The following SHISA9 variants were observed in gnomAD, a reference collection of about 807,000 sequenced individuals.
SHISA9 encodes protein shisa-9.
In SHISA9, 13 loss-of-function variants were observed where a neutral mutation model predicts 38.0. That is an observed-to-expected ratio of 0.34 (90% confidence interval 0.22 to 0.54). The LOEUF (loss-of-function observed/expected upper bound fraction) is 0.54. Ranked by LOEUF, SHISA9 falls within the 20% of genes least tolerant of loss-of-function variation. The pLI, the probability that SHISA9 is intolerant of heterozygous loss-of-function variation, is 0.91. For synonymous variants in SHISA9, 275 were observed against 242.0 expected (o/e 1.14, Z -1.27); for missense variants, 538 against 575.8 (o/e 0.93, Z 0.67).
At chr16:13,442,075 G>C in the SHISA9 span, among the ~76,000 whole-genome samples, 2 of 152,242 alleles carry the variant, frequency 1.3e-5, no homozygotes, top group Non-Finnish European at 2.9e-5. Flanking sequence ...GCAGCCAGTA[G>C]TTAGCCTCAA....
intron 4 of SHISA9, among the ~76,000 whole-genome samples, chr16:13,232,064 A>G (rs2142085860): frequency 6.6e-6 from 1 of 152,360 alleles, no homozygotes; most frequent in African/African-American, 2.4e-5. Flanking sequence ...GAAGATATGA[A>G]GGAGAATCAG....
chr16:13,413,681 T>C, the SHISA9 span, among the ~76,000 whole-genome samples: 1 of 134,922 alleles, frequency 7.4e-6, no homozygotes, highest in Non-Finnish European at 1.5e-5. Flanking sequence ...TGCTAGAACC[T>C]GGAAGGCGAA....
At chr16:13,207,793 C>T (rs1234806206) in intron 3 of SHISA9, among the ~76,000 whole-genome samples, 1 of 152,130 alleles carries the variant, frequency 6.6e-6, no homozygotes, top group African/African-American at 2.4e-5. Context: ...TTTGTTAAAG[C>T]ATAATGTGAT....
intron 2 of SHISA9, among the ~76,000 whole-genome samples, chr16:12,997,424 T>G (rs1175418099): frequency 2.0e-5 from 3 of 151,728 alleles, no homozygotes; most frequent in African/African-American, 7.3e-5. Context: ...TTTTTTTTTT[T>G]TTTAGACAGT....
chr16:13,062,093 T>C (rs932361850), intron 2 of SHISA9, among the ~76,000 whole-genome samples: 21 of 151,682 alleles, frequency 1.4e-4, no homozygotes, highest in African/African-American at 5.1e-4. Context: ...GGCTGCCAAA[T>C]AAAATACAGG....
At chr16:13,278,364 G>C in the SHISA9 span, among the ~76,000 whole-genome samples, 1 of 151,924 alleles carries the variant, frequency 6.6e-6, no homozygotes, top group African/African-American at 2.4e-5. Flanking sequence ...CAGGGATATC[G>C]GTCTGTAGTT....
At chr16:13,022,794 G>A (rs2072874039) in intron 2 of SHISA9, among the ~76,000 whole-genome samples, 1 of 151,836 alleles carries the variant, frequency 6.6e-6, no homozygotes, top group Non-Finnish European at 1.5e-5. Flanking sequence ...AAGAGACAGG[G>A]TATCACTATG....
At chr16:13,118,791 G>A (rs204040) in intron 2 of SHISA9, among the ~76,000 whole-genome samples, 42,010 of 148,838 alleles carry the variant, frequency 0.28, 6,103 homozygotes, top group African/African-American at 0.32. Context: ...ATGCAATGGC[G>A]TGATCTCAGC....
the SHISA9 span, among the ~76,000 whole-genome samples, chr16:13,400,347 C>T: frequency 7.3e-6 from 1 of 137,634 alleles, no homozygotes; most frequent in Admixed American, 7.2e-5. Flanking sequence ...TTCCCTGTCT[C>T]TCTTCCCTCT....
intron 2 of SHISA9, among the ~76,000 whole-genome samples, chr16:12,998,381 C>T (rs939500890): frequency 9.2e-5 from 14 of 152,176 alleles, no homozygotes; most frequent in South Asian, 2.1e-4. Context: ...CAGCTTTTCC[C>T]GATGTGGTAA....
At chr16:13,225,602 G>T (rs1271029132) in intron 4 of SHISA9, among the ~76,000 whole-genome samples, 3 of 152,280 alleles carry the variant, frequency 2.0e-5, no homozygotes, top group African/African-American at 7.2e-5. Flanking sequence ...CATCACCTGT[G>T]ACCCAGGAAT....
At chr16:13,146,398 G>T (rs930193790) in intron 2 of SHISA9, among the ~76,000 whole-genome samples, 2 of 152,102 alleles carry the variant, frequency 1.3e-5, no homozygotes. Flanking sequence ...GTGAGTACAT[G>T]TAGGTGTATT....
Position 13,236,329 on chromosome 16 carries a change from C to CT in SHISA9, c.*922dup, listed in dbSNP as rs1415161583. On this transcript the variant is annotated 3_prime_UTR_variant, in exon 5 of 5. Coordinates refer to ENST00000558583, the MANE Select transcript of SHISA9 (RefSeq NM_001145204.3). ...TTTTTTTTTTCAAAAATCTTGAAGA[C>CT]TTGTTGACATTAACAACAACAAATC... 2 of 146,962 alleles carry CT rather than the reference C, an allele frequency of 1.4e-5. No homozygotes were observed. The highest frequency in any genetic ancestry group is 2.0e-4 in the East Asian group (1 of 4,998). The allele number at this position is 146,962 out of a possible 1,614,324, so 9.1% of individuals were successfully genotyped here. A position where few individuals can be genotyped will look rare whatever the true frequency, so the allele number is the denominator to read the frequency against.
chr16:12,950,512 T>G (rs182401032), intron 2 of SHISA9, among the ~76,000 whole-genome samples: 1 of 152,184 alleles, frequency 6.6e-6, no homozygotes, highest in Non-Finnish European at 1.5e-5. Context: ...AAAGGAACTC[T>G]AGTGCACTGT....
At chr16:13,368,196 A>C in the SHISA9 span, among the ~76,000 whole-genome samples, 4 of 152,162 alleles carry the variant, frequency 2.6e-5, no homozygotes, top group Non-Finnish European at 4.4e-5. Flanking sequence ...GAGGCTGAGT[A>C]GGTGAAATTG....
intron 2 of SHISA9, among the ~76,000 whole-genome samples, chr16:13,157,770 G>A (rs986959308): frequency 6.6e-6 from 1 of 152,106 alleles, no homozygotes; most frequent in African/African-American, 2.4e-5. Context: ...CAACCCTTCT[G>A]CCAGCCCCCA....
intron 2 of SHISA9, among the ~76,000 whole-genome samples, chr16:13,013,821 G>A (rs1045010710): frequency 3.3e-5 from 5 of 152,198 alleles, no homozygotes; most frequent in Middle Eastern, 3.4e-3. Flanking sequence ...TCCGCGTCCC[G>A]GGTTCACGCC....
chr16:12,933,033 A>C (rs2071482403), intron 2 of SHISA9, among the ~76,000 whole-genome samples: 1 of 152,198 alleles, frequency 6.6e-6, no homozygotes, highest in African/African-American at 2.4e-5. Flanking sequence ...AAATGAGGGA[A>C]TATAGACCAA....
the SHISA9 span, among the ~76,000 whole-genome samples, chr16:13,510,791 G>GT: frequency 0.021 from 3,120 of 148,666 alleles, 107 homozygotes; most frequent in East Asian, 0.17. Flanking sequence ...AATTTTCTGG[G>GT]TTTTTTTTTT....
Sources: allele counts gnomAD v4.1 joint callset (sites outside exome capture counted in the v4.1 genomes callset), GRCh38; gene constraint gnomAD v4.1.1; transcripts MANE v1.5; gene names NCBI Gene and HGNC (gene_info 2026-07-23, HGNC 2026-07-21).